KCNIP4: variants seen among roughly 807,000 people sequenced by gnomAD.
The protein encoded by KCNIP4 is potassium voltage-gated channel interacting protein 4.
In KCNIP4, 12 loss-of-function variants were observed where a neutral mutation model predicts 34.0. That is an observed-to-expected ratio of 0.35 (90% CI 0.23 to 0.57). The LOEUF is 0.57. KCNIP4 is among the 20% of genes least tolerant of loss of function. The pLI is 0.83. For missense variants in KCNIP4, 238 were observed against 311.7 expected (o/e 0.76, Z 1.78); for synonymous variants, 124 against 102.2 (o/e 1.21, Z -1.29).
intron 1 of KCNIP4, among the ~76,000 whole-genome samples, chr4:21,491,012 C>A (rs554192075): frequency 6.6e-6 from 1 of 152,220 alleles, no homozygotes; most frequent in South Asian, 2.1e-4. Context: ...ATCTCCACAT[C>A]ACTCCCCAAT....
At chr4:21,148,456 C>T (rs150623721) in intron 1 of KCNIP4, among the ~76,000 whole-genome samples, 5 of 152,234 alleles carry the variant, frequency 3.3e-5, no homozygotes, top group East Asian at 3.9e-4. Flanking sequence ...ATAATGTTTA[C>T]GCATCCAATG....
intron 1 of KCNIP4, among the ~76,000 whole-genome samples, chr4:21,732,845 T>A (rs1317953627): frequency 6.6e-6 from 1 of 152,108 alleles, no homozygotes; most frequent in Non-Finnish European, 1.5e-5. Context: ...ATGAGAGAAA[T>A]ACAATTTCAA....
intron 2 of KCNIP4, among the ~76,000 whole-genome samples, chr4:20,882,176 T>C (rs967425388): frequency 6.6e-6 from 1 of 152,184 alleles, no homozygotes; most frequent in African/African-American, 2.4e-5. Context: ...AATGACACTT[T>C]GTAATCTTTT....
intron 1 of KCNIP4, among the ~76,000 whole-genome samples, chr4:21,023,550 A>T (rs1740259608): frequency 6.6e-6 from 1 of 152,212 alleles, no homozygotes; most frequent in African/African-American, 2.4e-5. Flanking sequence ...TATGCAAATG[A>T]CCAATATGCA....
At chr4:20,963,699 GA>G (rs1734078378) in intron 1 of KCNIP4, among the ~76,000 whole-genome samples, 1 of 152,110 alleles carries the variant, frequency 6.6e-6, no homozygotes, top group African/African-American at 2.4e-5. Flanking sequence ...TAAAAAATAA[GA>G]GGGCACTAGA....
At chr4:21,665,765 G>T (rs141521508) in intron 1 of KCNIP4, among the ~76,000 whole-genome samples, 1 of 152,226 alleles carries the variant, frequency 6.6e-6, no homozygotes, top group East Asian at 1.9e-4. Flanking sequence ...CTTGTGCTGG[G>T]GCCCAACTAT....
In KCNIP4 at chr4:21,582,186, T is replaced by C. The variant is rs148393460; in HGVS notation, c.61+366385A>G. 179 of 151,378 alleles carry C rather than the reference T, an allele frequency of 1.2e-3. 1 individual carries two copies. Among genetic ancestry groups the C allele is most frequent in the African/African-American group, 4.1e-3 (171 of 41,312 alleles). 9.4% of individuals were successfully genotyped at this position (151,378 alleles called of 1,614,324 possible). A position where few individuals can be genotyped will look rare whatever the true frequency, so the allele number is the denominator to read the frequency against. ...GTATGTACATGTGTGTGTGCTGTAC[T>C]ATAATGTAAAATATATGTTCTTACT... On this transcript the variant is annotated intron_variant, in intron 1 of 8. Transcript: ENST00000382152.
intron 1 of KCNIP4, among the ~76,000 whole-genome samples, chr4:21,758,242 CT>C (rs1226674480): frequency 1.3e-5 from 2 of 152,206 alleles, no homozygotes; most frequent in African/African-American, 4.8e-5. Context: ...AACAACCTCT[CT>C]GTTCTCATGA....
chr4:20,916,823 A>G (rs75526488), intron 1 of KCNIP4, among the ~76,000 whole-genome samples: 1,755 of 151,590 alleles, frequency 0.012, 14 homozygotes, highest in Non-Finnish European at 0.019. Flanking sequence ...ATAACCTGTG[A>G]TATGATTAGC....
intron 1 of KCNIP4, among the ~76,000 whole-genome samples, chr4:21,206,970 T>C (rs375065240): frequency 2.0e-5 from 3 of 152,322 alleles, no homozygotes; most frequent in African/African-American, 4.8e-5. Context: ...AGATGCTGCA[T>C]GTATCTCCTA....
At chr4:21,231,662 T>C (rs940831208) in intron 1 of KCNIP4, among the ~76,000 whole-genome samples, 2 of 152,178 alleles carry the variant, frequency 1.3e-5, no homozygotes, top group East Asian at 3.8e-4. Flanking sequence ...GCTTATCATA[T>C]ACATTTACAG....
intron 1 of KCNIP4, among the ~76,000 whole-genome samples, chr4:21,312,150 GA>G (rs1394767726): frequency 6.6e-6 from 1 of 152,150 alleles, no homozygotes; most frequent in African/African-American, 2.4e-5. Context: ...CAACTCATTT[GA>G]GCTGTACATT....
intron 3 of KCNIP4, among the ~76,000 whole-genome samples, chr4:20,834,659 G>A (rs1225592941): frequency 6.7e-6 from 1 of 149,830 alleles, no homozygotes; most frequent in East Asian, 1.9e-4. Context: ...GGAGGAGATG[G>A]TTGTTAGCAC....
intron 3 of KCNIP4, among the ~76,000 whole-genome samples, chr4:20,804,603 T>G (rs942498211): frequency 6.6e-6 from 1 of 152,192 alleles, no homozygotes; most frequent in African/African-American, 2.4e-5. Context: ...CTTTCTTCAT[T>G]GTTTATTAAA....
intron 1 of KCNIP4, among the ~76,000 whole-genome samples, chr4:21,094,573 C>G (rs781344279): frequency 1.1e-4 from 17 of 152,104 alleles, no homozygotes; most frequent in Non-Finnish European, 1.9e-4. Flanking sequence ...TTCCAATGAG[C>G]CTCGTCTCCT....
Position 21,680,618 on chromosome 4 carries a change from G to A in KCNIP4, c.61+267953C>T, listed in dbSNP as rs75689808. Among the ~76,000 whole-genome samples, 314 of 152,356 alleles carry A rather than the reference G, an allele frequency of 2.1e-3. 1 individual carries two copies. The highest frequency in any genetic ancestry group is 2.4e-3 in the Non-Finnish European group (164 of 68,038). ...GCTTCTTCAGTAATAAGACTTGGAA[G>A]TCAAAATTACTGTTTGATCCATGGG... On this transcript the variant is annotated intron_variant, in intron 1 of 8. Transcript: ENST00000382152.
intron 1 of KCNIP4, among the ~76,000 whole-genome samples, chr4:21,739,175 A>G (rs998609814): frequency 6.6e-6 from 1 of 152,088 alleles, no homozygotes; most frequent in African/African-American, 2.4e-5. Context: ...TGAATCTCCG[A>G]ATTTGTTTTC....
At chr4:21,838,617 C>T (rs1043369332) in intron 1 of KCNIP4, among the ~76,000 whole-genome samples, 1 of 152,172 alleles carries the variant, frequency 6.6e-6, no homozygotes, top group Non-Finnish European at 1.5e-5. Flanking sequence ...TATTGGGCTA[C>T]ATATTAACAT....
chr4:20,899,447 G>A (rs1726922146), intron 1 of KCNIP4, among the ~76,000 whole-genome samples: 1 of 152,072 alleles, frequency 6.6e-6, no homozygotes, highest in Non-Finnish European at 1.5e-5. Flanking sequence ...AGCAGCTGAG[G>A]GGTTATGTCC....
Sources: gnomAD v4.1 joint callset for allele counts (sites outside exome capture counted in the v4.1 genomes callset) on GRCh38, gnomAD v4.1.1 for gene constraint, MANE v1.5 for transcripts, NCBI Gene and HGNC (gene_info 2026-07-23, HGNC 2026-07-21) for gene names.